GALNT18: variants seen among roughly 807,000 people sequenced by gnomAD.
GALNT18 encodes the protein GalNAc-transferase 18.
A neutral mutation model predicts 69.5 loss-of-function variants in GALNT18; 44 were observed. The ratio of observed to expected loss-of-function variants is 0.63; its 90% CI spans 0.50 to 0.81. GALNT18 has a LOEUF of 0.81. Ranked by LOEUF, GALNT18 falls within the 40% of genes least tolerant of loss-of-function variation. The probability of loss-of-function intolerance (pLI) is 0.00; values close to 1 mark genes in which losing one functional copy is unlikely to be tolerated. For missense variants in GALNT18, 715 were observed against 810.0 expected (o/e 0.88, Z 1.42); for synonymous variants, 364 against 318.2 (o/e 1.14, Z -1.53).
rs1859223507 is a variant in GALNT18, at chr11:11,586,292, TAAATA to T, written c.235+35062_235+35066del. Among the ~76,000 whole-genome samples, 1 of 152,244 alleles carries T rather than the reference TAAATA, an allele frequency of 6.6e-6. No homozygotes were observed. The highest frequency in any genetic ancestry group is 2.1e-4 in the South Asian group (1 of 4,830). ...TAATTGGGTTTATTATTGCCATTGT[TAAATA>T]AAATAATTATTTTGAAATTTTCTCA... On this transcript the variant is annotated intron_variant, in intron 1 of 10. Transcript: ENST00000227756. This position sits in a 1 kb window ranked among gnomAD's most constrained non-coding sequence, Gnocchi z 4.1.
chr11:11,452,456 G>A (rs1855823234), intron 1 of GALNT18, among the ~76,000 whole-genome samples: 1 of 152,248 alleles, frequency 6.6e-6, no homozygotes, highest in Non-Finnish European at 1.5e-5. Flanking sequence ...AAAGCCCACA[G>A]CCCTATCGGG....
chr11:11,561,356 GTGC>G (rs1858501169), intron 1 of GALNT18, among the ~76,000 whole-genome samples: 1 of 23,170 alleles, frequency 4.3e-5, no homozygotes, highest in Non-Finnish European at 8.9e-5. Flanking sequence ...ATGAAGCACT[GTGC>G]TGTAGGGAAA....
Position 11,271,125 on chromosome 11 carries a change from C to G in GALNT18, c.*19G>C, listed in dbSNP as rs369534554. ...TGCTACACAGTAGCAAAGAGGCAGC[C>G]GGAAGTGGCCCCGGTGGGTCAGGAC... is the stretch of plus-strand genomic sequence containing the variant. On this transcript the variant is annotated 3_prime_UTR_variant, in exon 11 of 11. Transcript: ENST00000227756. The G allele has an allele frequency of 1.2e-6, 2 of 1,602,476 alleles. No individual in the cohort carries two copies. The highest frequency in any genetic ancestry group is 3.3e-5 in the Admixed American group (2 of 59,814).
At chr11:11,303,123 T>C (rs1426134927) in intron 9 of GALNT18, among the ~76,000 whole-genome samples, 3 of 152,190 alleles carry the variant, frequency 2.0e-5, no homozygotes, top group Non-Finnish European at 4.4e-5. Context: ...ACCTCCTCTA[T>C]TGGCCCCTGC....
At chr11:11,366,040 G>C (rs980123504) in intron 6 of GALNT18, among the ~76,000 whole-genome samples, 18 of 152,188 alleles carry the variant, frequency 1.2e-4, no homozygotes, top group African/African-American at 3.9e-4. Context: ...AGTACCCAGT[G>C]GTAGGACCAT....
Position 11,508,523 on chromosome 11 carries a change from A to G in GALNT18, c.236-59587T>C, listed in dbSNP as rs1310751586. ...AAAAGTACTTCATTCGTTTGTAATT[A>G]ATAAGTAATGTGTGGGTGTTACTCC... On this transcript the variant is annotated intron_variant, in intron 1 of 10. Coordinates refer to ENST00000227756, the MANE Select transcript of GALNT18 (RefSeq NM_198516.3). Among the ~76,000 whole-genome samples the G allele has an allele frequency of 2.0e-5, 3 of 152,366 alleles. No individual in the cohort carries two copies. In the East Asian group the frequency reaches 5.8e-4, roughly 29 times the overall value.
intron 3 of GALNT18, among the ~76,000 whole-genome samples, chr11:11,395,714 G>A (rs1053532778): frequency 1.3e-5 from 2 of 152,116 alleles, no homozygotes; most frequent in Non-Finnish European, 2.9e-5. Context: ...GAAGGAAGGA[G>A]GCCCATTGGG....
rs533844172 is a variant in GALNT18, at chr11:11,495,865, ACC to A, written c.236-46931_236-46930del. Among the ~76,000 whole-genome samples, 457 of 152,340 alleles carry A rather than the reference ACC, an allele frequency of 3.0e-3. 2 individuals are homozygous for A. The highest frequency in any genetic ancestry group is 0.011 in the African/African-American group (442 of 41,578). The stretch of plus-strand genomic sequence containing the variant: ...AAGGGTAGCACCATAAAAGGCTGTG[ACC>A]AAGAGATGGGCAGGTCCTCCTCTCA... On this transcript the variant is annotated intron_variant, in intron 1 of 10. Transcript: ENST00000227756.
At chr11:11,485,786 T>C (rs1856631373) in intron 1 of GALNT18, among the ~76,000 whole-genome samples, 1 of 152,110 alleles carries the variant, frequency 6.6e-6, no homozygotes, top group Admixed American at 6.5e-5. Flanking sequence ...GGACCACAAG[T>C]GGCAGGCCAG....
chr11:11,549,174 A>T (rs1293344510), intron 1 of GALNT18, among the ~76,000 whole-genome samples: 1 of 152,236 alleles, frequency 6.6e-6, no homozygotes, highest in Non-Finnish European at 1.5e-5. Flanking sequence ...GAGCTGCAGC[A>T]GCCGTTTCAG....
At chr11:11,397,847 G>A (rs12574825) in intron 3 of GALNT18, among the ~76,000 whole-genome samples, 19,745 of 152,212 alleles carry the variant, frequency 0.13, 1,337 homozygotes, top group East Asian at 0.27. Context: ...ATTGGGCTCT[G>A]TTAGAACAGT....
At chr11:11,453,271 C>T (rs1366737746) in intron 1 of GALNT18, among the ~76,000 whole-genome samples, 1 of 152,128 alleles carries the variant, frequency 6.6e-6, no homozygotes, top group Non-Finnish European at 1.5e-5. Flanking sequence ...TGATCAGAAC[C>T]CTCCAAGGGC....
intron 3 of GALNT18, among the ~76,000 whole-genome samples, chr11:11,388,812 T>G (rs1854112939): frequency 6.6e-6 from 1 of 152,248 alleles, no homozygotes; most frequent in South Asian, 2.1e-4. Flanking sequence ...TATGCACATA[T>G]GATGTGCACC....
At chr11:11,317,232 G>A (rs866253354) in intron 9 of GALNT18, among the ~76,000 whole-genome samples, 5 of 152,194 alleles carry the variant, frequency 3.3e-5, no homozygotes, top group African/African-American at 1.2e-4. Flanking sequence ...TGAGACCTGG[G>A]AATATCACAA....
At position 11,389,234 on chromosome 11, in the gene GALNT18, C is replaced by T. The variant is rs569390739; in HGVS notation, c.596-9970G>A. On this transcript the variant is annotated intron_variant, in intron 3 of 10. Transcript: ENST00000227756. The surrounding 1 kb of genome is among the most constrained non-coding windows in gnomAD (Gnocchi z 4.3). The stretch of plus-strand genomic sequence containing the variant: ...GGCCTGCTTGCCTCTGAAGACTTGG[C>T]TCTTTTCCAGTCTGTCCAGCAGCCT... Among the ~76,000 whole-genome samples, 40 of 152,360 alleles carry T rather than the reference C, an allele frequency of 2.6e-4. No homozygotes were observed. The highest frequency in any genetic ancestry group is 9.6e-4 in the African/African-American group (40 of 41,590).
chr11:11,340,970 G>A lies in GALNT18; in HGVS notation c.1127C>T (p.Pro376Leu), dbSNP rs755366124. 2 of 1,611,084 alleles carry A rather than the reference G, an allele frequency of 1.2e-6. No homozygotes were observed. Among genetic ancestry groups the A allele is most frequent in the Non-Finnish European group, 1.7e-6 (2 of 1,178,204 alleles). The change falls in exon 7 of 11, where the codon CCC (proline) becomes CTC (leucine). Residue 376 changes from proline (P) to leucine (L), a missense_variant. Physicochemically the swap from Pro to Leu is moderately conservative, Grantham distance 98. Transcript: ENST00000227756. This position sits in a 1 kb window ranked among gnomAD's most constrained non-coding sequence, Gnocchi z 4.2. ...CTCAATGTGGGCAATCCGTGAGCAG[G>A]GCAGGACCTCCACACTCCCGCCACA... ...WQCGGSVEVL[P>L]CSRIAHIERA...
chr11:11,553,785 G>A (rs1283898292), intron 1 of GALNT18, among the ~76,000 whole-genome samples: 2 of 152,038 alleles, frequency 1.3e-5, no homozygotes, highest in African/African-American at 2.4e-5. Context: ...ACTTCCTGCT[G>A]AGCCAAGTCG....
intron 9 of GALNT18, among the ~76,000 whole-genome samples, chr11:11,323,173 C>T (rs963363457): frequency 2.0e-5 from 3 of 152,204 alleles, no homozygotes; most frequent in Non-Finnish European, 4.4e-5. Flanking sequence ...ATCCCAACAG[C>T]CCCAAAGGTC....
At chr11:11,274,158 T>C (rs896331680) in intron 10 of GALNT18, among the ~76,000 whole-genome samples, 1 of 152,218 alleles carries the variant, frequency 6.6e-6, no homozygotes, top group Non-Finnish European at 1.5e-5. Flanking sequence ...CCGGCTCAGA[T>C]ACTGTGCTTT....
Sources: gnomAD v4.1 joint callset for allele counts (sites outside exome capture counted in the v4.1 genomes callset) on GRCh38, gnomAD v4.1.1 for gene constraint, Gnocchi (gnomAD v3.1) non-coding constraint, MANE v1.5 for transcripts, NCBI Gene and HGNC (gene_info 2026-07-23, HGNC 2026-07-21) for gene names.